The following FNBP1 variants were observed in gnomAD, a reference collection of about 807,000 sequenced individuals.
The protein encoded by FNBP1 is formin-binding protein 1.
A neutral mutation model predicts 90.6 loss-of-function variants in FNBP1; 26 were observed. The observed-to-expected ratio is 0.29, with a 90% CI of 0.21 to 0.40. FNBP1 has a LOEUF of 0.40. FNBP1 is among the 10% of genes least tolerant of loss of function. The pLI is 1.00. For missense variants in FNBP1, 635 were observed against 768.0 expected, an observed-to-expected ratio of 0.83 and a Z score of 2.05; for synonymous variants, 260 against 265.2, an observed-to-expected ratio of 0.98 and a Z score of 0.19.
At chr9:129,919,350 T>C (rs772464449) in intron 10 of FNBP1, 10 of 450,356 alleles carry the variant, frequency 2.2e-5, no homozygotes, top group Non-Finnish European at 4.0e-5. Context: ...CGGTCAACTT[T>C]GATGGTATTT....
chr9:129,905,294 G>GTGTGTATATATATATATA (rs374989661), intron 12 of FNBP1, among the ~76,000 whole-genome samples: 1 of 132,336 alleles, frequency 7.6e-6, no homozygotes, highest in African/African-American at 2.9e-5. Flanking sequence ...GTGTGTGTGT[G>GTGTGTATATATATATATA]TATATATATA....
chr9:129,903,525 A>G (rs1421583436), intron 12 of FNBP1, among the ~76,000 whole-genome samples: 1 of 152,194 alleles, frequency 6.6e-6, no homozygotes, highest in Non-Finnish European at 1.5e-5. Context: ...TTTCAATTTC[A>G]GTTCTCTTCT....
intron 16 of FNBP1, among the ~76,000 whole-genome samples, chr9:129,893,631 A>AAAAAAAAAAAAAAAAAAAAAAAC (rs2035340731): frequency 1.5e-5 from 2 of 137,886 alleles, no homozygotes; most frequent in Non-Finnish European, 3.1e-5. Flanking sequence ...AAAAAAAAAA[A>AAAAAAAAAAAAAAAAAAAAAAAC]AAAAAAGCCA....
chr9:130,050,340 G>A, the FNBP1 span, among the ~76,000 whole-genome samples: 6 of 152,132 alleles, frequency 3.9e-5, no homozygotes, highest in African/African-American at 1.4e-4. Context: ...CTGTGGCTGA[G>A]CAAGTTATAC....
intron 11 of FNBP1, 50 bp from the exon 12 acceptor site, chr9:129,909,049 GA>G: frequency 7.5e-7 from 1 of 1,326,944 alleles, no homozygotes; most frequent in Non-Finnish European, 1.1e-6. Context: ...GGCTTTCCTT[GA>G]AAGAAGGCTG....
chr9:129,914,222 G>T (rs1320883445), intron 11 of FNBP1, among the ~76,000 whole-genome samples: 2 of 150,712 alleles, frequency 1.3e-5, no homozygotes, highest in Non-Finnish European at 3.0e-5. Flanking sequence ...ACCCAAGCTG[G>T]AGTGCAGTGG....
At chr9:129,961,319 C>A (rs55897107) in intron 4 of FNBP1, among the ~76,000 whole-genome samples, 22 of 151,984 alleles carry the variant, frequency 1.4e-4, no homozygotes, top group East Asian at 3.9e-4. Context: ...CTCAAAAAAA[C>A]CCCCGAAAAA....
intron 11 of FNBP1, among the ~76,000 whole-genome samples, chr9:129,909,755 C>T (rs182612979): frequency 2.7e-4 from 41 of 152,264 alleles, no homozygotes; most frequent in African/African-American, 9.6e-4. Flanking sequence ...TCCTAAGTAG[C>T]TGGGACTACA....
At chr9:129,891,306 TA>T (rs199987106) in intron 16 of FNBP1, among the ~76,000 whole-genome samples, 2 of 150,980 alleles carry the variant, frequency 1.3e-5, no homozygotes, top group Non-Finnish European at 3.0e-5. Flanking sequence ...TACAAAAAAT[TA>T]AAAAAAAATT....
chr9:130,034,938 G>A (rs1172146346), intron 1 of FNBP1, among the ~76,000 whole-genome samples: 1 of 152,102 alleles, frequency 6.6e-6, no homozygotes, highest in Non-Finnish European at 1.5e-5. Flanking sequence ...CTTGAGCCCA[G>A]GAGTTCAAGG....
chr9:130,002,643 C>A (rs2055037478), intron 1 of FNBP1, among the ~76,000 whole-genome samples: 1 of 152,174 alleles, frequency 6.6e-6, no homozygotes, highest in South Asian at 2.1e-4. Flanking sequence ...CTTTTCCAGA[C>A]ATCAGAATTA....
At chr9:129,923,529 A>C (rs949253099) in intron 10 of FNBP1, among the ~76,000 whole-genome samples, 1 of 150,890 alleles carries the variant, frequency 6.6e-6, no homozygotes, top group African/African-American at 2.4e-5. Flanking sequence ...CAGGGAGCCG[A>C]GATCACGCCA....
intron 4 of FNBP1, among the ~76,000 whole-genome samples, chr9:129,972,441 T>C (rs749003420): frequency 6.6e-6 from 1 of 152,078 alleles, no homozygotes; most frequent in Non-Finnish European, 1.5e-5. Context: ...CCTGGCCCAA[T>C]TACACATTTT....
At chr9:129,994,439 C>A (rs1434262127) in intron 2 of FNBP1, among the ~76,000 whole-genome samples, 4 of 152,032 alleles carry the variant, frequency 2.6e-5, no homozygotes, top group Non-Finnish European at 5.9e-5. Flanking sequence ...GGCCAGGGGG[C>A]CTGCCAGGCT....
chr9:129,944,535 G>A (rs148989063), intron 6 of FNBP1, among the ~76,000 whole-genome samples: 12,496 of 78,144 alleles, frequency 0.16, 708 homozygotes, highest in African/African-American at 0.26. Context: ...GCGAGACTGC[G>A]TCTCAAAAAA....
the FNBP1 span, among the ~76,000 whole-genome samples, chr9:130,050,585 A>G: frequency 4.1e-4 from 62 of 152,008 alleles, no homozygotes; most frequent in South Asian, 2.1e-4. Context: ...CTAGGCCCCA[A>G]TTTGACCACT....
intron 1 of FNBP1, among the ~76,000 whole-genome samples, chr9:130,020,585 C>T (rs982587442): frequency 6.6e-6 from 1 of 152,092 alleles, no homozygotes; most frequent in Non-Finnish European, 1.5e-5. Flanking sequence ...ACTTTAAAGC[C>T]ACTGTTTCTG....
At chr9:129,914,351 T>C (rs2039881849) in intron 11 of FNBP1, among the ~76,000 whole-genome samples, 2 of 152,072 alleles carry the variant, frequency 1.3e-5, no homozygotes, top group Non-Finnish European at 2.9e-5. Context: ...GCTTCACTTC[T>C]TTGTTGCCTT....
chr9:130,038,399 CTT>C (rs796531911), intron 1 of FNBP1, among the ~76,000 whole-genome samples: 2,806 of 108,354 alleles, frequency 0.026, 40 homozygotes, highest in Non-Finnish European at 0.034. Flanking sequence ...ACAGGTGGCT[CTT>C]TTTTTTTTTT....
Sources: gnomAD v4.1 joint callset for allele counts (sites outside exome capture counted in the v4.1 genomes callset) on GRCh38, gnomAD v4.1.1 for gene constraint, MANE v1.5 for transcripts, NCBI Gene and HGNC (gene_info 2026-07-23, HGNC 2026-07-21) for gene names.